FOXO3: variants seen among roughly 807,000 people sequenced by gnomAD.
FOXO3 encodes the protein forkhead box O3.
Under a neutral mutation model 41.9 loss-of-function variants are expected in FOXO3, and 4 were observed. That is an observed-to-expected ratio of 0.10 (90% CI 0.05 to 0.22). The LOEUF (loss-of-function observed/expected upper bound fraction) is 0.22, where lower values mean the gene tolerates loss of function less well. FOXO3 is among the 10% of genes least tolerant of loss of function. The probability of loss-of-function intolerance (pLI) is 1.00; values close to 1 mark genes in which losing one functional copy is unlikely to be tolerated. For synonymous variants in FOXO3, 318 were observed against 389.3 expected, an observed-to-expected ratio of 0.82 and a Z score of 2.16; for missense variants, 534 against 906.8, an observed-to-expected ratio of 0.59 and a Z score of 5.28.
At chr6:108,648,548 T>C (rs7745015) in intron 1 of FOXO3, among the ~76,000 whole-genome samples, 4,408 of 152,288 alleles carry the variant, frequency 0.029, 211 homozygotes, top group African/African-American at 0.099. Flanking sequence ...TGTCTGCCTC[T>C]CTTGCTTTTT....
At chr6:108,610,565 A>G (rs2128369139) in intron 1 of FOXO3, among the ~76,000 whole-genome samples, 1 of 152,312 alleles carries the variant, frequency 6.6e-6, no homozygotes, top group South Asian at 2.1e-4. Context: ...GAACGCATTC[A>G]TACTCTGTTG....
chr6:108,660,011 T>A lies in FOXO3; in HGVS notation c.622-3444T>A, dbSNP rs369007166. On this transcript the variant is annotated intron_variant, in intron 1 of 2. Transcript: ENST00000406360. Reference sequence around the variant, plus strand: ...AAGGGGGTATAGCTGAATACTTGACTGGTCATTCTAGTTAATTCTGTGTGT... The same window carrying A: ...AAGGGGGTATAGCTGAATACTTGACAGGTCATTCTAGTTAATTCTGTGTGT... Among the ~76,000 whole-genome samples, 10 of 152,328 alleles carry A rather than the reference T, an allele frequency of 6.6e-5. No homozygotes were observed. The South Asian group carries it at 2.1e-3, about 32-fold the overall frequency.
chr6:108,658,642 C>CA (rs1778758657), intron 1 of FOXO3, among the ~76,000 whole-genome samples: 5 of 151,236 alleles, frequency 3.3e-5, no homozygotes, highest in Admixed American at 3.3e-4. Context: ...AGCGTGGTCT[C>CA]AAACTCCTGA....
chr6:108,585,112 G>C (rs1582747267), intron 1 of FOXO3, among the ~76,000 whole-genome samples: 1 of 128,992 alleles, frequency 7.8e-6, no homozygotes, highest in East Asian at 2.5e-4. Context: ...CGCAATCTCG[G>C]CTCACTGCAA....
intron 1 of FOXO3, among the ~76,000 whole-genome samples, chr6:108,595,320 T>G (rs1776849595): frequency 6.6e-6 from 1 of 152,222 alleles, no homozygotes; most frequent in Admixed American, 6.5e-5. Context: ...AAAAAACTTT[T>G]CATTGTAACT....
intron 1 of FOXO3, among the ~76,000 whole-genome samples, chr6:108,593,356 A>T (rs562861685): frequency 1.3e-5 from 2 of 152,262 alleles, no homozygotes; most frequent in African/African-American, 4.8e-5. Flanking sequence ...GGAAAAGTAA[A>T]TATTAATTTT....
chr6:108,610,678 A>G (rs145732774), intron 1 of FOXO3, among the ~76,000 whole-genome samples: 1 of 152,312 alleles, frequency 6.6e-6, no homozygotes, highest in East Asian at 1.9e-4. Context: ...CCATTTTCCT[A>G]TCGCCCACAC....
chr6:108,568,215 CT>C (rs556107505), intron 1 of FOXO3, among the ~76,000 whole-genome samples: 12,275 of 140,046 alleles, frequency 0.088, 658 homozygotes, highest in South Asian at 0.23. Flanking sequence ...CTCTCTCTCT[CT>C]TTTTTTTTTT....
In FOXO3 at chr6:108,664,354, G is replaced by C. The variant is rs142533192; in HGVS notation, c.1521G>C (p.Arg507=). 8.6e-5 allele frequency: 138 copies of C among 1,612,864 alleles called. No individual in the cohort carries two copies. Among genetic ancestry groups the C allele is most frequent in the Middle Eastern group, 4.9e-4 (3 of 6,076 alleles). ...CTGTGTCTGCCCAGAATTCCCGCCG[G>C]AACGTGATGCTTCGCAATGATCCGA... is the stretch of plus-strand genomic sequence containing the variant. ...STAVSAQNSR[R]NVMLRNDPMM... The change falls in exon 2 of 3, where the codon CGG becomes CGC. Residue 507 remains arginine, a synonymous_variant. Coordinates refer to ENST00000406360, the MANE Select transcript of FOXO3 (RefSeq NM_001455.4).
Position 108,682,388 on chromosome 6 carries a change from T to G in FOXO3, c.*2596T>G, listed in dbSNP as rs1238354808. ...AGAGGGAATGCTTTGGTTTTTTGTTTTGTTTTGTTTTTTCTTTTTCAAGTA... is the reference window on the plus strand; with the variant it reads ...AGAGGGAATGCTTTGGTTTTTTGTTGTGTTTTGTTTTTTCTTTTTCAAGTA... On this transcript the variant is annotated 3_prime_UTR_variant, in exon 3 of 3. Transcript: ENST00000406360. 6.6e-6 allele frequency: 1 copy of G among 152,330 alleles called. No individual in the cohort carries two copies. The highest frequency in any genetic ancestry group is 1.5e-5 in the Non-Finnish European group (1 of 68,142). The allele number at this position is 152,330 out of a possible 1,614,324, so 9.4% of individuals were successfully genotyped here.
chr6:108,568,928 T>A (rs1017313893), intron 1 of FOXO3, among the ~76,000 whole-genome samples: 11 of 151,422 alleles, frequency 7.3e-5, no homozygotes, highest in African/African-American at 2.4e-4. Context: ...ATGACCTTGT[T>A]GCATTAAGAG....
At chr6:108,599,216 C>T (rs1776976928) in intron 1 of FOXO3, among the ~76,000 whole-genome samples, 11 of 152,144 alleles carry the variant, frequency 7.2e-5, no homozygotes, top group Admixed American at 7.2e-4. Flanking sequence ...TCTTTAAAAA[C>T]ATAACCTTTT....
intron 1 of FOXO3, among the ~76,000 whole-genome samples, chr6:108,602,803 T>C (rs1213526068): frequency 2.0e-5 from 3 of 152,226 alleles, no homozygotes; most frequent in Non-Finnish European, 4.4e-5. Context: ...GAACCTATTT[T>C]GAAGCTCTTA....
At chr6:108,656,569 C>G (rs542228521) in intron 1 of FOXO3, 1 of 937,374 alleles carries the variant, frequency 1.1e-6, no homozygotes, top group Non-Finnish European at 1.3e-6. Flanking sequence ...TCACTGCTTC[C>G]GTGTGGGATC....
chr6:108,654,442 G>C (rs1778630972), intron 1 of FOXO3, among the ~76,000 whole-genome samples: 1 of 152,102 alleles, frequency 6.6e-6, no homozygotes, highest in Admixed American at 6.5e-5. Flanking sequence ...TTTCAGTTGA[G>C]GGCAGGATAA....
chr6:108,578,918 A>G (rs1040430223), intron 1 of FOXO3, among the ~76,000 whole-genome samples: 2 of 152,220 alleles, frequency 1.3e-5, no homozygotes, highest in Non-Finnish European at 2.9e-5. Flanking sequence ...AGGTGGAACC[A>G]GGTACAGATC....
intron 1 of FOXO3, among the ~76,000 whole-genome samples, chr6:108,643,564 G>A (rs1246615748): frequency 1.3e-5 from 2 of 152,158 alleles, no homozygotes; most frequent in African/African-American, 4.8e-5. Flanking sequence ...ATTTTTGTTT[G>A]TTTGTGTTCC....
intron 1 of FOXO3, among the ~76,000 whole-genome samples, chr6:108,597,645 G>GT (rs1379036352): frequency 6.6e-6 from 1 of 152,152 alleles, no homozygotes; most frequent in Non-Finnish European, 1.5e-5. Flanking sequence ...AGTCCATGGG[G>GT]TTAGGTACTC....
At chr6:108,668,877 A>G (rs547973396) in intron 2 of FOXO3, among the ~76,000 whole-genome samples, 29 of 152,210 alleles carry the variant, frequency 1.9e-4, no homozygotes, top group Non-Finnish European at 3.8e-4. Context: ...TTGTAATCCC[A>G]GCACTTTGGG....
Sources: gnomAD v4.1 joint callset for allele counts (sites outside exome capture counted in the v4.1 genomes callset) on GRCh38, gnomAD v4.1.1 for gene constraint, MANE v1.5 for transcripts, NCBI Gene and HGNC (gene_info 2026-07-23, HGNC 2026-07-21) for gene names.